FAM135B: variants seen among roughly 807,000 people sequenced by gnomAD.
FAM135B encodes the protein family with sequence similarity 135 member B.
In FAM135B, 43 loss-of-function variants were observed where a neutral mutation model predicts 127.7. That is an observed-to-expected ratio of 0.34 (90% confidence interval 0.26 to 0.43). The LOEUF (loss-of-function observed/expected upper bound fraction) is 0.43. FAM135B is among the 20% of genes least tolerant of loss of function. The pLI, the probability that FAM135B is intolerant of heterozygous loss-of-function variation, is 1.00. For synonymous variants in FAM135B, 670 were observed against 665.1 expected (o/e 1.01, Z -0.11); for missense variants, 1,558 against 1,725.6 (o/e 0.90, Z 1.72).
rs1818290848 is a variant in FAM135B, at chr8:138,152,744, C to G, written c.1731G>C (p.Glu577Asp). Residue 577 changes from glutamate (E) to aspartate (D), a missense_variant, in exon 13 of 20, where the codon GAG becomes GAC. Glu to Asp is a conservative substitution (Grantham distance 45). This residue lies in a region of FAM135B where 923 missense variants were observed against 865.3 expected (regional missense o/e 1.07). Transcript: ENST00000395297. ...CATACTTATCTCTAGAGCTCCTACT[C>G]TCATGCTGAGCATTGAAGGCCACCA... is the stretch of plus-strand genomic sequence containing the variant. ...EPLVAFNAQH[E>D]SRSSRDKYGL... 4.3e-6 allele frequency: 7 copies of G among 1,614,184 alleles called. No individual in the cohort carries two copies. The highest frequency in any genetic ancestry group is 5.9e-6 in the Non-Finnish European group (7 of 1,180,020).
chr8:138,475,010 C>T (rs1433154249), intron 1 of FAM135B, among the ~76,000 whole-genome samples: 4 of 152,220 alleles, frequency 2.6e-5, no homozygotes, highest in Non-Finnish European at 5.9e-5. Flanking sequence ...GTATCACTCA[C>T]TTTGGGACAA....
chr8:138,282,995 G>A (rs2130751709), intron 3 of FAM135B, among the ~76,000 whole-genome samples: 1 of 152,180 alleles, frequency 6.6e-6, no homozygotes, highest in East Asian at 1.9e-4. Context: ...CCGCCTCCTG[G>A]GTTCAAGTGA....
At chr8:138,391,535 C>A (rs1257120390) in intron 1 of FAM135B, among the ~76,000 whole-genome samples, 1 of 152,126 alleles carries the variant, frequency 6.6e-6, no homozygotes, top group Non-Finnish European at 1.5e-5. Context: ...AGCTCTTCAA[C>A]CTGCAAGCAC....
intron 1 of FAM135B, among the ~76,000 whole-genome samples, chr8:138,409,208 T>A (rs113376655): frequency 0.018 from 2,665 of 152,158 alleles, 75 homozygotes; most frequent in African/African-American, 0.06. Context: ...AATTGGCCGA[T>A]TTTCAGTATT....
intron 7 of FAM135B, among the ~76,000 whole-genome samples, chr8:138,204,468 C>T (rs185290590): frequency 2.0e-5 from 3 of 152,100 alleles, no homozygotes. Flanking sequence ...ACAATTGGCA[C>T]CTAGATTTCA....
chr8:138,202,470 T>C (rs537725718), intron 7 of FAM135B, among the ~76,000 whole-genome samples: 48 of 152,226 alleles, frequency 3.2e-4, no homozygotes, highest in African/African-American at 1.1e-3. Context: ...AGGCTGGTTT[T>C]GAACTTCTGG....
chr8:138,168,555 A>G (rs1401107485), intron 11 of FAM135B, among the ~76,000 whole-genome samples: 1 of 152,144 alleles, frequency 6.6e-6, no homozygotes, highest in Non-Finnish European at 1.5e-5. Flanking sequence ...GAAGGTATAA[A>G]TTTCCCTAGA....
chr8:138,205,030 C>A (rs1817449265), intron 7 of FAM135B, among the ~76,000 whole-genome samples: 1 of 152,100 alleles, frequency 6.6e-6, no homozygotes, highest in African/African-American at 2.4e-5. Context: ...ATTCTTAGTT[C>A]CTGGATTCCT....
At chr8:138,164,819 C>T (rs768760514) in intron 12 of FAM135B, among the ~76,000 whole-genome samples, 8 of 152,226 alleles carry the variant, frequency 5.3e-5, no homozygotes, top group South Asian at 2.1e-4. Context: ...GGCTGTGTCA[C>T]GGGTGCATGT....
intron 7 of FAM135B, among the ~76,000 whole-genome samples, chr8:138,213,507 CT>C (rs142780602): frequency 0.17 from 24,333 of 139,500 alleles, 2,426 homozygotes; most frequent in Non-Finnish European, 0.24. Flanking sequence ...TATGTAATTT[CT>C]TTTTTTTTTT....
chr8:138,199,272 G>C (rs895137293), intron 7 of FAM135B, among the ~76,000 whole-genome samples: 1 of 152,182 alleles, frequency 6.6e-6, no homozygotes, highest in Non-Finnish European at 1.5e-5. Flanking sequence ...GTGATGCAGG[G>C]TGCTACCAAT....
rs1818292421 is a variant in FAM135B, at chr8:138,213,409, A to G, written c.670-15740T>C. 2.0e-5 allele frequency among the ~76,000 whole-genome samples: 3 copies of G among 152,154 alleles called. No individual in the cohort carries two copies. In the South Asian group the frequency reaches 6.2e-4, roughly 31 times the overall value. ...ACAGCATGTCATCTCATTTTCCCTC[A>G]TAATTAGACCACAGTCCAGAGTTAC... is the stretch of plus-strand genomic sequence containing the variant. On this transcript the variant is annotated intron_variant, in intron 7 of 19. Transcript: ENST00000395297.
intron 2 of FAM135B, among the ~76,000 whole-genome samples, chr8:138,344,577 CT>C (rs869039075): frequency 6.0e-5 from 5 of 83,944 alleles, no homozygotes; most frequent in Admixed American, 1.2e-4. Flanking sequence ...TTCTTTCTTT[CT>C]TTTTTTTTTT....
At chr8:138,455,746 G>C (rs931768434) in intron 1 of FAM135B, among the ~76,000 whole-genome samples, 11 of 152,176 alleles carry the variant, frequency 7.2e-5, no homozygotes, top group African/African-American at 2.4e-4. Flanking sequence ...CGGATGGAAA[G>C]AGATGGGAAT....
At chr8:138,320,714 T>C (rs975423198) in intron 2 of FAM135B, among the ~76,000 whole-genome samples, 3 of 152,192 alleles carry the variant, frequency 2.0e-5, no homozygotes, top group African/African-American at 7.2e-5. Context: ...ACCATTCATC[T>C]CTGTATCCCC....
chr8:138,408,152 A>C (rs538126455), intron 1 of FAM135B, among the ~76,000 whole-genome samples: 1 of 152,326 alleles, frequency 6.6e-6, no homozygotes. Context: ...CCCTAACAAA[A>C]GACGTCAGCC....
intron 7 of FAM135B, among the ~76,000 whole-genome samples, chr8:138,240,425 C>G (rs902571104): frequency 1.3e-5 from 2 of 152,234 alleles, no homozygotes; most frequent in Admixed American, 6.5e-5. Flanking sequence ...GCCCCTCACT[C>G]CACAGCTGCC....
At chr8:138,235,688 C>T (rs958371423) in intron 7 of FAM135B, among the ~76,000 whole-genome samples, 4 of 152,130 alleles carry the variant, frequency 2.6e-5, no homozygotes, top group African/African-American at 9.7e-5. Flanking sequence ...ACACACACCT[C>T]CCATCAGAGG....
chr8:138,262,552 C>A (rs1278094084), intron 4 of FAM135B, among the ~76,000 whole-genome samples: 4 of 152,036 alleles, frequency 2.6e-5, no homozygotes, highest in Non-Finnish European at 4.4e-5. Context: ...AACATGAGGA[C>A]TCCAGGTACA....
Sources: gnomAD v4.1 joint callset for allele counts (sites outside exome capture counted in the v4.1 genomes callset) on GRCh38, gnomAD v4.1.1 for gene constraint, gnomAD v4.1.1 regional missense constraint, MANE v1.5 for transcripts, NCBI Gene and HGNC (gene_info 2026-07-23, HGNC 2026-07-21) for gene names.